Variants in TENM2 observed in about 807,000 individuals in gnomAD.
The protein encoded by TENM2 is teneurin transmembrane protein 2, also known as teneurin-2.
In TENM2, 52 loss-of-function variants were observed where a neutral mutation model predicts 245.2. That is an observed-to-expected ratio of 0.21 (90% CI 0.17 to 0.27). TENM2 has a LOEUF of 0.27. TENM2 is among the 10% of genes least tolerant of loss of function. The pLI is 1.00. For synonymous variants in TENM2, 1,363 were observed against 1,438.9 expected, an observed-to-expected ratio of 0.95 and a Z score of 1.19; for missense variants, 3,046 against 3,666.8, an observed-to-expected ratio of 0.83 and a Z score of 4.37.
At chr5:166,989,811 C>T in the TENM2 span, among the ~76,000 whole-genome samples, 1 of 149,886 alleles carries the variant, frequency 6.7e-6, no homozygotes, top group African/African-American at 2.5e-5. Flanking sequence ...ATGAGAACTT[C>T]TCTGTTGCTG....
chr5:167,370,566 C>A (rs915097096), intron 1 of TENM2, among the ~76,000 whole-genome samples: 1 of 152,122 alleles, frequency 6.6e-6, no homozygotes, highest in Non-Finnish European at 1.5e-5. Context: ...TTATAGATTG[C>A]ATGTAATCGT....
chr5:167,582,055 CATATA>C (rs145360501), intron 2 of TENM2, among the ~76,000 whole-genome samples: 203 of 152,164 alleles, frequency 1.3e-3, no homozygotes, highest in Non-Finnish European at 2.3e-3. Context: ...AGAAGATTCT[CATATA>C]ATATAATCTT....
intron 2 of TENM2, among the ~76,000 whole-genome samples, chr5:167,606,544 C>T (rs541537837): frequency 5.9e-5 from 9 of 152,298 alleles, no homozygotes; most frequent in South Asian, 2.1e-4. Context: ...AATGCCATCA[C>T]ATTGGAGGGC....
chr5:167,513,594 C>T lies in TENM2; in HGVS notation c.502+138121C>T, dbSNP rs570258863. Reference sequence around the variant, plus strand: ...TGGTATACATGCCATTTGCAGGATCCGCTGGAATAGCCACTTTAGAGCAGG... The same window carrying T: ...TGGTATACATGCCATTTGCAGGATCTGCTGGAATAGCCACTTTAGAGCAGG... On this transcript the variant is annotated intron_variant, in intron 2 of 28. Coordinates refer to ENST00000518659, the Ensembl canonical transcript of TENM2. 1.3e-5 allele frequency among the ~76,000 whole-genome samples: 2 copies of T among 152,208 alleles called. 1 individual carries two copies. Among genetic ancestry groups the T allele is most frequent in the South Asian group, 4.2e-4 (2 of 4,818 alleles).
chr5:167,845,275 ACACACAACACG>A (rs1769941502), intron 2 of TENM2, among the ~76,000 whole-genome samples: 1 of 105,950 alleles, frequency 9.4e-6, no homozygotes, highest in South Asian at 3.5e-4. Context: ...ACACACACAC[ACACACAACACG>A]GCCCCACTCT....
chr5:167,086,362 C>A, the TENM2 span, among the ~76,000 whole-genome samples: 2 of 152,298 alleles, frequency 1.3e-5, no homozygotes, highest in East Asian at 3.9e-4. Flanking sequence ...GATTCTGGGA[C>A]ATGCGTATCT....
chr5:167,530,976 T>C (rs1771456962), intron 2 of TENM2, among the ~76,000 whole-genome samples: 1 of 152,136 alleles, frequency 6.6e-6, no homozygotes, highest in Non-Finnish European at 1.5e-5. Context: ...GTGAAGAAAA[T>C]AGAGCAATAC....
intron 1 of TENM2, among the ~76,000 whole-genome samples, chr5:167,354,724 T>C (rs1262073070): frequency 1.3e-5 from 2 of 152,254 alleles, no homozygotes; most frequent in African/African-American, 4.8e-5. Flanking sequence ...TTCTTTCTTT[T>C]GAGCTGTATG....
intron 3 of TENM2, among the ~76,000 whole-genome samples, chr5:167,913,725 C>T (rs1776718091): frequency 6.6e-6 from 1 of 152,202 alleles, no homozygotes; most frequent in South Asian, 2.1e-4. Context: ...GCCATCCCAT[C>T]CCCAGGAAGT....
the TENM2 span, among the ~76,000 whole-genome samples, chr5:167,005,097 A>T: frequency 3.3e-5 from 5 of 152,190 alleles, no homozygotes; most frequent in Non-Finnish European, 7.4e-5. Context: ...TTTCCCCCCC[A>T]TTTAATTAGA....
At chr5:167,993,090 A>C in exon 5 of TENM2, 1 of 1,614,044 alleles carries the variant, frequency 6.2e-7, no homozygotes, top group East Asian at 2.2e-5. Flanking sequence ...TTCAAGCTGA[A>C]GAAGCCCTCC....
chr5:167,339,997 A>G (rs1202461143), intron 1 of TENM2, among the ~76,000 whole-genome samples: 1 of 152,200 alleles, frequency 6.6e-6, no homozygotes, highest in Non-Finnish European at 1.5e-5. Flanking sequence ...ATTTTGTTAT[A>G]GCAGCACAAA....
chr5:167,590,337 A>T (rs1032005272), intron 2 of TENM2, among the ~76,000 whole-genome samples: 1 of 152,070 alleles, frequency 6.6e-6, no homozygotes, highest in Non-Finnish European at 1.5e-5. Context: ...TCCCCATTAT[A>T]AGGTTCAATA....
intron 2 of TENM2, among the ~76,000 whole-genome samples, chr5:167,522,496 G>T (rs1175580409): frequency 6.6e-6 from 1 of 151,574 alleles, no homozygotes; most frequent in Non-Finnish European, 1.5e-5. Context: ...TCTTTCTCTG[G>T]GTCTTTTTTT....
intron 3 of TENM2, among the ~76,000 whole-genome samples, chr5:167,947,130 G>C (rs1189529898): frequency 6.6e-6 from 1 of 152,076 alleles, no homozygotes; most frequent in Non-Finnish European, 1.5e-5. Context: ...GCAGCCGCAT[G>C]TTCATTGAAT....
At chr5:167,499,403 G>C (rs1258235880) in intron 2 of TENM2, among the ~76,000 whole-genome samples, 1 of 152,138 alleles carries the variant, frequency 6.6e-6, no homozygotes. Flanking sequence ...CCCAAAAAAA[G>C]TCCTTCTGTT....
chr5:167,087,184 G>A, the TENM2 span, among the ~76,000 whole-genome samples: 3 of 152,094 alleles, frequency 2.0e-5, no homozygotes, highest in Non-Finnish European at 2.9e-5. Context: ...CGTGCCTTGC[G>A]TTCAAACATA....
intron 2 of TENM2, among the ~76,000 whole-genome samples, chr5:167,437,774 C>A (rs1764649446): frequency 6.6e-6 from 1 of 152,118 alleles, no homozygotes; most frequent in Admixed American, 6.6e-5. Flanking sequence ...AAAGGACAAA[C>A]CCATTTCTCT....
chr5:167,676,617 AAAG>A (rs1756348149), intron 2 of TENM2, among the ~76,000 whole-genome samples: 1 of 152,140 alleles, frequency 6.6e-6, no homozygotes, highest in African/African-American at 2.4e-5. Flanking sequence ...TCATTCACAG[AAAG>A]AAGACTTCCT....
Sources: gnomAD v4.1 joint callset for allele counts (sites outside exome capture counted in the v4.1 genomes callset) on GRCh38, gnomAD v4.1.1 for gene constraint, MANE v1.5 for transcripts, NCBI Gene and HGNC (gene_info 2026-07-23, HGNC 2026-07-21) for gene names.